The following WWC2 variants were observed in gnomAD, a reference collection of about 807,000 sequenced individuals.
The protein encoded by WWC2 is WW and C2 domain containing 2.
In WWC2, 101 loss-of-function variants were observed where a neutral mutation model predicts 138.5. The ratio of observed to expected loss-of-function variants is 0.73; its 90% CI spans 0.62 to 0.86. The LOEUF is 0.86. WWC2 is among the 40% of genes least tolerant of loss of function. The pLI is 0.00. For synonymous variants in WWC2, 558 were observed against 538.4 expected, an observed-to-expected ratio of 1.04 and a Z score of -0.50; for missense variants, 1,420 against 1,419.4, an observed-to-expected ratio of 1.00 and a Z score of -0.01.
At chr4:183,304,414 T>G (rs528247790) in intron 21 of WWC2, among the ~76,000 whole-genome samples, 1 of 152,162 alleles carries the variant, frequency 6.6e-6, no homozygotes, top group Non-Finnish European at 1.5e-5. Context: ...TTCCAGGAGC[T>G]TGACTGGGTC....
intron 6 of WWC2, among the ~76,000 whole-genome samples, chr4:183,246,021 T>TGGGGC (rs1308633637): frequency 2.6e-5 from 4 of 152,040 alleles, no homozygotes; most frequent in Admixed American, 6.5e-5. Flanking sequence ...CAGCTAAGGG[T>TGGGGC]GGGGCGGGGA....
chr4:183,185,896 T>G (rs191178698), intron 1 of WWC2, among the ~76,000 whole-genome samples: 1 of 152,124 alleles, frequency 6.6e-6, no homozygotes, highest in Non-Finnish European at 1.5e-5. Context: ...AGTAAGTGTT[T>G]TATATTATTA....
chr4:183,269,072 T>C lies in WWC2; in HGVS notation c.2309T>C (p.Phe770Ser). The C allele has an allele frequency of 6.2e-7, 1 of 1,613,974 alleles. No homozygotes were observed. Among genetic ancestry groups the C allele is most frequent in the Non-Finnish European group, 8.5e-7 (1 of 1,179,880 alleles). Reference sequence around the variant, plus strand: ...GAATCCATTTTATTCAATGATGTGTTCAGAGTCGCCATTTCCCAAACAGCC... The same window carrying C: ...GAATCCATTTTATTCAATGATGTGTCCAGAGTCGCCATTTCCCAAACAGCC... ...PTESILFNDV[F>S]RVAISQTALQ... Residue 770 changes from phenylalanine (F) to serine (S), a missense_variant, in exon 15 of 23, where the codon TTC becomes TCC. Physicochemically the swap from Phe to Ser is radical, Grantham distance 155. Coordinates refer to ENST00000403733, the MANE Select transcript of WWC2 (RefSeq NM_024949.6).
chr4:183,227,439 C>T (rs983301621), intron 4 of WWC2, among the ~76,000 whole-genome samples: 14 of 151,996 alleles, frequency 9.2e-5, no homozygotes, highest in African/African-American at 3.1e-4. Flanking sequence ...GAACAAAGAA[C>T]TGGCAGGATA....
At chr4:183,294,462 T>C (rs534799567) in intron 21 of WWC2, among the ~76,000 whole-genome samples, 2 of 152,374 alleles carry the variant, frequency 1.3e-5, no homozygotes, top group African/African-American at 4.8e-5. Flanking sequence ...CAGAGCTCTC[T>C]AGAAACAGTG....
At chr4:183,238,572 G>A (rs1736506109) in intron 4 of WWC2, among the ~76,000 whole-genome samples, 2 of 152,070 alleles carry the variant, frequency 1.3e-5, no homozygotes, top group Admixed American at 6.6e-5. Flanking sequence ...CAGCCACAGT[G>A]GCATTCTTTA....
rs549362921 is a variant in WWC2 at position 183,131,696 on chromosome 4, G to A, written c.131+32074G>A. On this transcript the variant is annotated intron_variant, in intron 1 of 22. Coordinates refer to ENST00000403733, the MANE Select transcript of WWC2 (RefSeq NM_024949.6). ...GGCAGTTCCAAAGTTAGTATAGTCA[G>A]ATTTGTCCATCTTCTTTCTCATTTG... is the stretch of plus-strand genomic sequence containing the variant. Among the ~76,000 whole-genome samples, 184 of 152,280 alleles carry A rather than the reference G, an allele frequency of 1.2e-3. 1 individual carries two copies. The highest frequency in any genetic ancestry group is 2.3e-3 in the Non-Finnish European group (155 of 68,012).
rs542193432 is a variant in WWC2 at position 183,111,101 on chromosome 4, G to A, written c.131+11479G>A. On this transcript the variant is annotated intron_variant, in intron 1 of 22. Transcript: ENST00000403733. ...AAAAATATAAAATAATTAGCCGGGC[G>A]TCGTGGCAGGCGCTGGTAGTCCCAG... Among the ~76,000 whole-genome samples, 7 of 152,176 alleles carry A rather than the reference G, an allele frequency of 4.6e-5. No individual in the cohort carries two copies. The South Asian group carries it at 8.3e-4, about 18-fold the overall frequency.
At chr4:183,275,832 A>G (rs1737836065) in intron 16 of WWC2, among the ~76,000 whole-genome samples, 1 of 152,148 alleles carries the variant, frequency 6.6e-6, no homozygotes, top group Non-Finnish European at 1.5e-5. Context: ...TTTGAGAATA[A>G]TTTGTATTAA....
At chr4:183,245,655 G>A in intron 6 of WWC2, 110 bp downstream of exon 6, 2 of 1,269,766 alleles carry the variant, frequency 1.6e-6, no homozygotes, top group Non-Finnish European at 2.1e-6. Context: ...TTCTACCTCT[G>A]CCACATTTGT....
chr4:183,300,317 G>A (rs560359874), intron 21 of WWC2, among the ~76,000 whole-genome samples: 16 of 151,666 alleles, frequency 1.1e-4, no homozygotes, highest in Admixed American at 2.0e-4. Context: ...GAGGAGCCTC[G>A]TGGTCCTTAC....
intron 1 of WWC2, among the ~76,000 whole-genome samples, chr4:183,186,543 G>A (rs984743734): frequency 6.6e-6 from 1 of 152,066 alleles, no homozygotes; most frequent in African/African-American, 2.4e-5. Flanking sequence ...GGTTTTTTAG[G>A]GTAGGGGGCA....
At position 183,261,194 on chromosome 4, in the gene WWC2, G is replaced by A. The variant is rs760532737; in HGVS notation, c.1571G>A (p.Gly524Glu). The A allele has an allele frequency of 6.2e-7, 1 of 1,613,334 alleles. No homozygotes were observed. Residue 524 changes from glycine to glutamate, a missense_variant, in exon 11 of 23, where the codon GGA becomes GAA. Coordinates refer to ENST00000403733, the MANE Select transcript of WWC2 (RefSeq NM_024949.6). Reference protein sequence around the residue: ...PSQPGQSGLCGVAAAATGHTP... With the variant: ...PSQPGQSGLCEVAAAATGHTP... ...CAGCCTGGCCAGAGTGGACTCTGTG[G>A]AGTGGCAGCTGCAGCAACAGGCCAC... is the stretch of plus-strand genomic sequence containing the variant.
At position 183,226,355 on chromosome 4, in the gene WWC2, A is replaced by G. The variant is rs571461459; in HGVS notation, c.523-13828A>G. ...TCAAGCAATCCACCTGCCTTGGTCT[A>G]CAGGAAACTTACACATACTTTCAGT... On this transcript the variant is annotated intron_variant, in intron 4 of 22. Transcript: ENST00000403733. Among the ~76,000 whole-genome samples the G allele has an allele frequency of 2.0e-5, 3 of 152,174 alleles. No homozygotes were observed. In the East Asian group the frequency reaches 5.8e-4, roughly 29 times the overall value.
At chr4:183,299,001 C>T (rs994119649) in intron 21 of WWC2, among the ~76,000 whole-genome samples, 1 of 152,092 alleles carries the variant, frequency 6.6e-6, no homozygotes, top group Non-Finnish European at 1.5e-5. Context: ...ACTATGCTGT[C>T]TTAGTCCATT....
At chr4:183,142,167 G>A (rs1482865306) in intron 1 of WWC2, among the ~76,000 whole-genome samples, 1 of 152,188 alleles carries the variant, frequency 6.6e-6, no homozygotes, top group Non-Finnish European at 1.5e-5. Flanking sequence ...CAAATACAGA[G>A]GCCCCATACC....
intron 2 of WWC2, among the ~76,000 whole-genome samples, chr4:183,199,058 G>A (rs926651048): frequency 3.3e-5 from 5 of 152,118 alleles, no homozygotes; most frequent in African/African-American, 1.2e-4. Context: ...CTTGGAGAAA[G>A]TGCTTTAAGC....
chr4:183,289,350 C>A (rs533552476), intron 20 of WWC2, 43 bp from the exon 21 acceptor site: 2 of 1,589,978 alleles, frequency 1.3e-6, no homozygotes, highest in African/African-American at 2.7e-5. Context: ...TAACCACTGC[C>A]TGTATAACCA....
Position 183,282,803 on chromosome 4 carries a change from G to A in WWC2, c.2780G>A (p.Ser927Asn), listed in dbSNP as rs1738121529. 4 of 1,586,574 alleles carry A rather than the reference G, an allele frequency of 2.5e-6. No individual in the cohort carries two copies. The East Asian group carries it at 9.1e-5, about 36-fold the overall frequency. The change falls in exon 18 of 23, where the codon AGT (serine) becomes AAT (asparagine). Residue 927 changes from serine to asparagine, a missense_variant. Physicochemically the swap from Ser to Asn is conservative, Grantham distance 46. Coordinates refer to ENST00000403733, the MANE Select transcript of WWC2 (RefSeq NM_024949.6). ...GACAGTAGCTGTACAGAAGATTTAA[G>A]TTCATGCACTAGTGTGCCTGAGATG... ...PEDSSCTEDL[S>N]SCTSVPEMNE...
Sources: allele counts gnomAD v4.1 joint callset (sites outside exome capture counted in the v4.1 genomes callset), GRCh38; gene constraint gnomAD v4.1.1; transcripts MANE v1.5; gene names NCBI Gene and HGNC (gene_info 2026-07-23, HGNC 2026-07-21).